PUDP: variants seen among roughly 807,000 people sequenced by gnomAD.
The protein encoded by PUDP is pseudouridine 5'-phosphatase, also known as pseudouridine-5'-phosphatase.
PUDP carries 8 observed loss-of-function variants against 9.4 expected under a neutral mutation model. That is an observed-to-expected ratio of 0.85 (90% CI 0.50 to 1.53). The LOEUF (loss-of-function observed/expected upper bound fraction) is 1.53. Ranked by LOEUF, PUDP falls within the 40% of genes most tolerant of loss-of-function variation. The probability of loss-of-function intolerance (pLI) is 0.00; values close to 1 mark genes in which losing one functional copy is unlikely to be tolerated. For synonymous variants in PUDP, 99 were observed against 80.7 expected (o/e 1.23, Z -1.22); for missense variants, 188 against 189.7 (o/e 0.99, Z 0.05).
At chrX:6,867,316 GGGTAGTGCTCCA>G (rs1927101608) in intron 3 of PUDP, among the ~76,000 whole-genome samples, 1 of 112,056 alleles carries the variant, frequency 8.9e-6, no homozygotes, top group Non-Finnish European at 1.9e-5. Context: ...TCTTTGAGCT[GGGTAGTGCTCCA>G]GGCATGGCAG....
intron 3 of PUDP, among the ~76,000 whole-genome samples, chrX:6,805,291 A>G (rs113030886): frequency 0.011 from 1,174 of 110,361 alleles, 15 homozygotes; most frequent in African/African-American, 0.036. Flanking sequence ...AAAATAAAAA[A>G]TACAAAGAGC....
chrX:6,757,199 C>T (rs189998995), intron 3 of PUDP, among the ~76,000 whole-genome samples: 13 of 111,460 alleles, frequency 1.2e-4, no homozygotes, highest in African/African-American at 4.2e-4. Flanking sequence ...GTAGATAGAG[C>T]CGGATGATCC....
rs55637165 is a variant in PUDP at position 6,748,010 on chromosome X, T to G, written c.*248-41544A>C. On this transcript the variant is annotated intron_variant and NMD_transcript_variant, in intron 3 of 3. Coordinates refer to the PUDP transcript ENST00000655425. The stretch of plus-strand genomic sequence containing the variant: ...AGAGAAAAACCTTGGAGGGGAAAAA[T>G]AAGTCTCCTCTGTTTTGTATAAGAG... Among the ~76,000 whole-genome samples, 10 of 111,083 alleles carry G rather than the reference T, an allele frequency of 9.0e-5. No individual in the cohort carries two copies. The East Asian group carries it at 2.3e-3, about 25-fold the overall frequency.
chrX:7,115,119 G>A (rs1234889241), intron 1 of PUDP, among the ~76,000 whole-genome samples: 1 of 112,270 alleles, frequency 8.9e-6, no homozygotes, highest in Non-Finnish European at 1.9e-5. Context: ...TGAAAGTTAT[G>A]CACAGCATTC....
At chrX:7,034,897 T>A (rs1929835384) in intron 1 of PUDP, among the ~76,000 whole-genome samples, 1 of 112,244 alleles carries the variant, frequency 8.9e-6, no homozygotes, top group Non-Finnish European at 1.9e-5. Flanking sequence ...GCAGGTCTAG[T>A]TCTCTATCTT....
intron 1 of PUDP, among the ~76,000 whole-genome samples, chrX:7,115,069 T>C (rs1278898696): frequency 3.6e-5 from 4 of 112,429 alleles, no homozygotes; most frequent in East Asian, 5.6e-4. Flanking sequence ...CAGTTAATAA[T>C]AGTTAATTAG....
rs187015671 is a variant in PUDP, at chrX:6,793,763, G to A, written c.*248-87297C>T. On this transcript the variant is annotated intron_variant and NMD_transcript_variant, in intron 3 of 3. Transcript: ENST00000655425. ...TGTTCAGACTGAGGCAAGAAAAGACGGTAAAGATTGCTATGAGGAATAGAA... is the reference window on the plus strand; with the variant it reads ...TGTTCAGACTGAGGCAAGAAAAGACAGTAAAGATTGCTATGAGGAATAGAA... Among the ~76,000 whole-genome samples, 114 of 111,073 alleles carry A rather than the reference G, an allele frequency of 1.0e-3. 1 individual carries two copies. Among genetic ancestry groups the A allele is most frequent in the Admixed American group, 9.4e-3 (98 of 10,427 alleles).
chrX:6,708,791 G>A (rs1016411490), intron 1 of PUDP, among the ~76,000 whole-genome samples: 8 of 111,593 alleles, frequency 7.2e-5, no homozygotes, highest in Middle Eastern at 4.6e-3. Flanking sequence ...AGAAATCCTC[G>A]TTTCTCCGAG....
chrX:7,042,672 C>T (rs1231514337), intron 1 of PUDP, among the ~76,000 whole-genome samples: 2 of 109,687 alleles, frequency 1.8e-5, no homozygotes, highest in Non-Finnish European at 3.8e-5. Flanking sequence ...GGGGGGTAGA[C>T]ATCAAAGAGT....
At chrX:6,793,663 A>G (rs1219758652) in intron 3 of PUDP, among the ~76,000 whole-genome samples, 1 of 111,328 alleles carries the variant, frequency 9.0e-6, no homozygotes, top group Non-Finnish European at 1.9e-5. Flanking sequence ...TGGAAGGACC[A>G]CCATCTACAG....
At chrX:7,126,562 T>C (rs889222424) in intron 1 of PUDP, among the ~76,000 whole-genome samples, 11 of 112,145 alleles carry the variant, frequency 9.8e-5, no homozygotes, top group African/African-American at 3.2e-4. Context: ...TGGTCTCTTC[T>C]GAGACCTCTC....
chrX:6,934,276 C>T (rs1408488475), intron 3 of PUDP, among the ~76,000 whole-genome samples: 7 of 103,231 alleles, frequency 6.8e-5, no homozygotes, highest in South Asian at 4.5e-4. Context: ...AGACTAACAG[C>T]GGATCTCTCA....
At chrX:7,032,751 A>G (rs1004580840) in intron 1 of PUDP, among the ~76,000 whole-genome samples, 2 of 111,905 alleles carry the variant, frequency 1.8e-5, no homozygotes, top group African/African-American at 6.5e-5. Context: ...GAGTGATGGA[A>G]ATATTCTATA....
At chrX:7,113,712 C>T (rs1284786828) in intron 1 of PUDP, among the ~76,000 whole-genome samples, 1 of 112,131 alleles carries the variant, frequency 8.9e-6, no homozygotes, top group Non-Finnish European at 1.9e-5. Context: ...ATGTACACCA[C>T]TAGTATTGTT....
intron 1 of PUDP, among the ~76,000 whole-genome samples, chrX:7,043,112 C>T (rs759350689): frequency 8.9e-6 from 1 of 111,905 alleles, no homozygotes; most frequent in Non-Finnish European, 1.9e-5. Flanking sequence ...TGAGCTATTC[C>T]TTCAAGAAGT....
intron 1 of PUDP, among the ~76,000 whole-genome samples, chrX:7,041,167 C>T (rs896613063): frequency 9.0e-6 from 1 of 111,610 alleles, no homozygotes; most frequent in Non-Finnish European, 1.9e-5. Context: ...GAATCTTATG[C>T]AGAGTGACAG....
rs146360756 is a variant in PUDP, at chrX:6,756,867, C to T, written c.*248-50401G>A. Among the ~76,000 whole-genome samples the T allele has an allele frequency of 4.7e-3, 529 of 112,138 alleles. 7 individuals are homozygous for T. Among genetic ancestry groups the T allele is most frequent in the African/African-American group, 0.017 (516 of 30,858 alleles). ...GAACAAATAAGATCTTAACAGCAGA[C>T]GGATATTTCTCTTAGGCTACAGGAA... On this transcript the variant is annotated intron_variant and NMD_transcript_variant, in intron 3 of 3. Transcript: ENST00000655425.
intron 1 of PUDP, among the ~76,000 whole-genome samples, chrX:7,126,998 A>T (rs1932502616): frequency 9.0e-6 from 1 of 111,680 alleles, no homozygotes; most frequent in South Asian, 3.7e-4. Flanking sequence ...TATGTATCTA[A>T]TTCTACCTAG....
intron 1 of PUDP, among the ~76,000 whole-genome samples, chrX:7,110,701 T>C (rs778857836): frequency 1.8e-5 from 2 of 109,937 alleles, no homozygotes; most frequent in African/African-American, 3.3e-5. Context: ...GGCAGTTTTA[T>C]AGGATTTGGG....
Sources: allele counts gnomAD v4.1 joint callset (sites outside exome capture counted in the v4.1 genomes callset), GRCh38; gene constraint gnomAD v4.1.1; transcripts MANE v1.5; gene names NCBI Gene and HGNC (gene_info 2026-07-23, HGNC 2026-07-21).